ENOX2: variants seen among roughly 807,000 people sequenced by gnomAD.
ENOX2 encodes the protein ecto-NOX disulfide-thiol exchanger 2.
A neutral mutation model predicts 45.0 loss-of-function variants in ENOX2; 36 were observed. That is an observed-to-expected ratio of 0.80 (90% confidence interval 0.61 to 1.06). ENOX2 has a LOEUF of 1.06. Ranked by LOEUF, ENOX2 falls within the 50% of genes least tolerant of loss-of-function variation. The pLI, the probability that ENOX2 is intolerant of heterozygous loss-of-function variation, is 0.00. For synonymous variants in ENOX2, 174 were observed against 152.3 expected, an observed-to-expected ratio of 1.14 and a Z score of -1.05; for missense variants, 423 against 462.5, an observed-to-expected ratio of 0.91 and a Z score of 0.78.
intron 2 of ENOX2, among the ~76,000 whole-genome samples, chrX:130,801,334 T>C (rs1206592758): frequency 8.9e-6 from 1 of 112,072 alleles, no homozygotes; most frequent in Non-Finnish European, 1.9e-5. Context: ...GAGAAGCTTC[T>C]GTATTTCCAA....
chrX:130,661,932 C>T (rs990233089), intron 9 of ENOX2, among the ~76,000 whole-genome samples: 3 of 111,999 alleles, frequency 2.7e-5, no homozygotes, highest in East Asian at 2.8e-4. Flanking sequence ...GGTGTAAAAC[C>T]GCATCTGAGG....
At chrX:130,820,491 T>A (rs2077575958) in intron 2 of ENOX2, among the ~76,000 whole-genome samples, 1 of 112,045 alleles carries the variant, frequency 8.9e-6, no homozygotes, top group Non-Finnish European at 1.9e-5. Context: ...ATTCAGTATG[T>A]CCAAACAGGT....
chrX:130,828,509 T>C (rs1327957999), intron 2 of ENOX2, among the ~76,000 whole-genome samples: 1 of 112,188 alleles, frequency 8.9e-6, no homozygotes, highest in Non-Finnish European at 1.9e-5. Flanking sequence ...ATTAATACCA[T>C]ACGGAAAGTA....
intron 4 of ENOX2, among the ~76,000 whole-genome samples, chrX:130,693,958 G>A (rs896746903): frequency 9.0e-6 from 1 of 111,711 alleles, no homozygotes; most frequent in Non-Finnish European, 1.9e-5. Context: ...GCAAATGACA[G>A]AAGATGGATC....
chrX:130,631,726 T>C (rs1192348418), intron 12 of ENOX2, 150 bp from the exon 13 acceptor site: 1 of 366,213 alleles, frequency 2.7e-6, no homozygotes, highest in Non-Finnish European at 4.8e-6. Context: ...TAGCATAAAT[T>C]ACAAAAGCAT....
chrX:130,828,343 TAGTC>T (rs756768400), intron 2 of ENOX2, among the ~76,000 whole-genome samples: 14 of 112,018 alleles, frequency 1.2e-4, no homozygotes, highest in Admixed American at 1.9e-4. Context: ...GCATTAATAT[TAGTC>T]AGTCAGCTTA....
Position 130,625,205 on chromosome X carries a change from A to T in ENOX2, c.*109T>A. 2 of 939,360 alleles carry T rather than the reference A, an allele frequency of 2.1e-6. No homozygotes were observed. Among genetic ancestry groups the T allele is most frequent in the East Asian group, 6.4e-5 (2 of 31,251 alleles). The allele number at this position is 939,360 out of a possible 1,213,427, so 77.4% of individuals were successfully genotyped here. A position where few individuals can be genotyped will look rare whatever the true frequency, so the allele number is the denominator to read the frequency against. On this transcript the variant is annotated 3_prime_UTR_variant, in exon 15 of 15. Transcript: ENST00000394363. Reference sequence around the variant, plus strand: ...CAAAAGATTTTCCAGGAATGAACTGACAAATTCAAAGGAACTTCCACTTGA... The same window carrying T: ...CAAAAGATTTTCCAGGAATGAACTGTCAAATTCAAAGGAACTTCCACTTGA...
At chrX:130,785,589 T>A (rs2076958120) in intron 2 of ENOX2, among the ~76,000 whole-genome samples, 1 of 111,277 alleles carries the variant, frequency 9.0e-6, no homozygotes, top group South Asian at 3.7e-4. Context: ...ATCCCTACCA[T>A]GACTAGAACT....
intron 2 of ENOX2, among the ~76,000 whole-genome samples, chrX:130,785,138 CA>C (rs1423290422): frequency 4.6e-5 from 5 of 108,168 alleles, no homozygotes; most frequent in African/African-American, 1.7e-4. Context: ...CCAGCCTGAC[CA>C]ACATGGAGAA....
chrX:130,833,046 CACACACACAA>C (rs1186318012), intron 2 of ENOX2, among the ~76,000 whole-genome samples: 1 of 109,957 alleles, frequency 9.1e-6, no homozygotes, highest in Admixed American at 9.7e-5. Context: ...CACACACACA[CACACACACAA>C]ACAGCACTGA....
At chrX:130,723,486 T>C (rs2038530935) in intron 3 of ENOX2, among the ~76,000 whole-genome samples, 1 of 112,371 alleles carries the variant, frequency 8.9e-6, no homozygotes, top group Admixed American at 9.4e-5. Flanking sequence ...CCAATGATAT[T>C]TGCATTCTAC....
intron 11 of ENOX2, among the ~76,000 whole-genome samples, chrX:130,635,318 G>C (rs1208728810): frequency 5.4e-5 from 6 of 112,110 alleles, no homozygotes; most frequent in Non-Finnish European, 9.4e-5. Context: ...GAAAGGTCCT[G>C]AGAAACTAAT....
intron 3 of ENOX2, among the ~76,000 whole-genome samples, chrX:130,752,410 C>T (rs903020166): frequency 3.4e-5 from 3 of 88,944 alleles, no homozygotes; most frequent in African/African-American, 1.3e-4. Flanking sequence ...ATCTCTCTCC[C>T]CCAGACTCTC....
intron 3 of ENOX2, among the ~76,000 whole-genome samples, chrX:130,746,196 C>G (rs1419416548): frequency 8.9e-6 from 1 of 112,185 alleles, no homozygotes; most frequent in African/African-American, 3.2e-5. Flanking sequence ...TTTTAAGCTT[C>G]CCGTTAATGA....
chrX:130,795,041 T>C (rs183250007), intron 2 of ENOX2, among the ~76,000 whole-genome samples: 145 of 112,416 alleles, frequency 1.3e-3, no homozygotes, highest in Non-Finnish European at 2.3e-3. Flanking sequence ...ACTAATGTTC[T>C]GGAATTATGC....
At chrX:130,798,644 T>A (rs1399981232) in intron 2 of ENOX2, among the ~76,000 whole-genome samples, 6 of 112,551 alleles carry the variant, frequency 5.3e-5, no homozygotes, top group Non-Finnish European at 1.1e-4. Context: ...ATTAAGTTCC[T>A]TACCTTAGTT....
chrX:130,699,154 G>C (rs2037836595), intron 4 of ENOX2, among the ~76,000 whole-genome samples: 1 of 112,257 alleles, frequency 8.9e-6, no homozygotes, highest in Non-Finnish European at 1.9e-5. Context: ...GCCAGCCAGA[G>C]GGGACCTCCT....
At chrX:130,811,498 CA>C (rs1342133864) in intron 2 of ENOX2, among the ~76,000 whole-genome samples, 1 of 112,616 alleles carries the variant, frequency 8.9e-6, no homozygotes, top group Admixed American at 9.3e-5. Flanking sequence ...TCAAAGACTC[CA>C]AGAGCAAGCC....
At chrX:130,847,927 C>T (rs1172657382) in intron 2 of ENOX2, among the ~76,000 whole-genome samples, 1 of 111,524 alleles carries the variant, frequency 9.0e-6, no homozygotes, top group East Asian at 2.8e-4. Flanking sequence ...ATCTAATAAC[C>T]CCAGTTTCAA....
Sources: allele counts gnomAD v4.1 joint callset (sites outside exome capture counted in the v4.1 genomes callset), GRCh38; gene constraint gnomAD v4.1.1; transcripts MANE v1.5; gene names NCBI Gene and HGNC (gene_info 2026-07-23, HGNC 2026-07-21).